Variants in ARHGEF28 observed in about 807,000 individuals in gnomAD.
The protein encoded by ARHGEF28 is 190 kDa guanine nucleotide exchange factor.
In ARHGEF28, 152 loss-of-function variants were observed where a neutral mutation model predicts 206.6. The observed-to-expected ratio is 0.74, with a 90% CI of 0.64 to 0.84. The LOEUF (loss-of-function observed/expected upper bound fraction) is 0.84, where lower values mean the gene tolerates loss of function less well. Among genes scored for constraint, ARHGEF28 ranks in the 40% least tolerant of loss-of-function variants. ARHGEF28 has a pLI of 0.00. For synonymous variants in ARHGEF28, 763 were observed against 776.4 expected, an observed-to-expected ratio of 0.98 and a Z score of 0.29; for missense variants, 2,028 against 2,073.2, an observed-to-expected ratio of 0.98 and a Z score of 0.42.
intron 22 of ARHGEF28, among the ~76,000 whole-genome samples, chr5:73,878,331 A>T (rs1760673088): frequency 6.6e-6 from 1 of 150,998 alleles, no homozygotes; most frequent in Admixed American, 6.6e-5. Flanking sequence ...TGCACGTGAG[A>T]TGGGTTTCCT....
intron 2 of ARHGEF28, among the ~76,000 whole-genome samples, chr5:73,702,331 C>T (rs1281436739): frequency 1.3e-5 from 2 of 152,102 alleles, no homozygotes; most frequent in African/African-American, 2.4e-5. Context: ...GCATTGAATA[C>T]ATTCATATTG....
At chr5:73,815,931 G>A (rs1756177934) in intron 9 of ARHGEF28, among the ~76,000 whole-genome samples, 1 of 152,196 alleles carries the variant, frequency 6.6e-6, no homozygotes, top group Non-Finnish European at 1.5e-5. Context: ...TTTCACACTT[G>A]CGTTCTTTAT....
Position 73,895,687 on chromosome 5 carries a change from A to G in ARHGEF28, c.3841+1112A>G, listed in dbSNP as rs187506171. On this transcript the variant is annotated intron_variant, in intron 29 of 35. Coordinates refer to ENST00000513042, the MANE Select transcript of ARHGEF28 (RefSeq NM_001177693.2). ...TCCCACAACCTGCTTTCGTAAGTTT[A>G]GTTTTACCGGAACTTAGCCACATCT... Among the ~76,000 whole-genome samples, 10 of 152,286 alleles carry G rather than the reference A, an allele frequency of 6.6e-5. No individual in the cohort carries two copies. In the East Asian group the frequency reaches 1.5e-3, roughly 24 times the overall value.
intron 2 of ARHGEF28, among the ~76,000 whole-genome samples, chr5:73,722,912 C>T (rs374765956): frequency 1.3e-5 from 2 of 152,032 alleles, no homozygotes; most frequent in Admixed American, 6.5e-5. Flanking sequence ...TAATTTAGAC[C>T]GTCATCTTGA....
chr5:73,787,472 T>C (rs915886976), intron 7 of ARHGEF28, among the ~76,000 whole-genome samples: 1 of 152,146 alleles, frequency 6.6e-6, no homozygotes, highest in Non-Finnish European at 1.5e-5. Context: ...CGTGCCATGG[T>C]GGTTTGCTGC....
At chr5:73,853,132 A>C (rs141049417) in intron 14 of ARHGEF28, among the ~76,000 whole-genome samples, 28 of 152,378 alleles carry the variant, frequency 1.8e-4, no homozygotes, top group African/African-American at 6.5e-4. Flanking sequence ...CTGGAAACAA[A>C]GAATAAACAA....
intron 9 of ARHGEF28, among the ~76,000 whole-genome samples, chr5:73,823,693 A>G (rs1024823240): frequency 1.3e-5 from 2 of 152,260 alleles, no homozygotes; most frequent in African/African-American, 2.4e-5. Flanking sequence ...ACTGTAACAC[A>G]TTAATGAAAC....
At chr5:73,685,240 A>T (rs190968636) in intron 2 of ARHGEF28, among the ~76,000 whole-genome samples, 91 of 152,276 alleles carry the variant, frequency 6.0e-4, no homozygotes, top group African/African-American at 2.1e-3. Context: ...AGGTTTCATG[A>T]TAATTGTGTC....
intron 35 of ARHGEF28, among the ~76,000 whole-genome samples, chr5:73,939,056 CCATTTT>C: frequency 2.6e-5 from 4 of 151,642 alleles, no homozygotes; most frequent in Admixed American, 2.6e-4. Context: ...GATGGCCAAG[CCATTTT>C]CAGCACAAAG....
At chr5:73,810,863 CT>C (rs1755799094) in intron 9 of ARHGEF28, among the ~76,000 whole-genome samples, 1 of 152,110 alleles carries the variant, frequency 6.6e-6, no homozygotes, top group African/African-American at 2.4e-5. Context: ...TAGGGAGCCC[CT>C]ATAGATTGTA....
Position 73,774,064 on chromosome 5 carries a change from T to C in ARHGEF28, c.659+26T>C, listed in dbSNP as rs778994993. 6 of 1,540,536 alleles carry C rather than the reference T, an allele frequency of 3.9e-6. No homozygotes were observed. The South Asian group carries it at 7.5e-5, about 19-fold the overall frequency. On this transcript the variant is annotated intron_variant, in intron 5 of 35. Transcript: ENST00000513042. ...GTGAGTTTAGCTACTTGATAGTCTC[T>C]CTCTTATTTGTATAAAGTCGGCCAA...
intron 16 of ARHGEF28, 83 bp from the exon 17 acceptor site, chr5:73,864,734 C>A: frequency 8.7e-7 from 1 of 1,155,618 alleles, no homozygotes; most frequent in Non-Finnish European, 1.2e-6. Flanking sequence ...TTTATAATGA[C>A]CAGTGAAAGC....
intron 9 of ARHGEF28, chr5:73,813,755 G>T: frequency 1.4e-6 from 2 of 1,446,116 alleles, no homozygotes; most frequent in Non-Finnish European, 1.9e-6. Context: ...TTGCCAGACT[G>T]TTTTTCCAAT....
chr5:73,886,662 A>G (rs1761318869), intron 25 of ARHGEF28, among the ~76,000 whole-genome samples: 1 of 152,088 alleles, frequency 6.6e-6, no homozygotes, highest in Admixed American at 6.5e-5. Flanking sequence ...TTTTTTAAGG[A>G]CTCATTATGT....
chr5:73,763,502 G>A (rs1193204359), intron 4 of ARHGEF28, among the ~76,000 whole-genome samples: 1 of 152,158 alleles, frequency 6.6e-6, no homozygotes. Context: ...GAGGCATGAT[G>A]AGTCCACACT....
At position 73,776,582 on chromosome 5, in the gene ARHGEF28, C is replaced by T. The variant is rs1292991717; in HGVS notation, c.726C>T (p.Tyr242=). The part of the protein sequence containing the change: ...VQLSEEASLH[Y]IHSSETLTLT... ...TCAGTGAAGAAGCCTCCTTGCATTACATTCACTCATCGGAAACGCTGACCC... is the reference window on the plus strand; with the variant it reads ...TCAGTGAAGAAGCCTCCTTGCATTATATTCACTCATCGGAAACGCTGACCC... Residue 242 remains tyrosine (Y), a synonymous_variant, in exon 6 of 36, where the codon TAC becomes TAT. Transcript: ENST00000513042. 6.2e-7 allele frequency: 1 copy of T among 1,613,838 alleles called. No individual in the cohort carries two copies. The highest frequency in any genetic ancestry group is 1.7e-5 in the Admixed American group (1 of 59,998).
At chr5:73,928,372 C>T (rs968803426) in intron 35 of ARHGEF28, among the ~76,000 whole-genome samples, 9 of 152,046 alleles carry the variant, frequency 5.9e-5, no homozygotes, top group Admixed American at 4.6e-4. Flanking sequence ...GCTGAGATCG[C>T]GCCACTGCAC....
chr5:73,657,172 CAAAAAAAA>C (rs76970237), intron 1 of ARHGEF28, among the ~76,000 whole-genome samples: 1 of 94,548 alleles, frequency 1.1e-5, no homozygotes, highest in African/African-American at 4.2e-5. Context: ...GACTCCGTCC[CAAAAAAAA>C]AAAAAAAAAA....
chr5:73,759,995 GTT>G (rs1752519531), intron 4 of ARHGEF28, among the ~76,000 whole-genome samples: 1 of 152,024 alleles, frequency 6.6e-6, no homozygotes, highest in South Asian at 2.1e-4. Flanking sequence ...GTGGCTTGTG[GTT>G]TTATCTTTGA....
Sources: gnomAD v4.1 joint callset for allele counts (sites outside exome capture counted in the v4.1 genomes callset) on GRCh38, gnomAD v4.1.1 for gene constraint, MANE v1.5 for transcripts, NCBI Gene and HGNC (gene_info 2026-07-23, HGNC 2026-07-21) for gene names.